CELF1: variants seen among roughly 807,000 people sequenced by gnomAD.
CELF1 encodes CUGBP Elav-like family member 1.
A neutral mutation model predicts 61.8 loss-of-function variants in CELF1; 10 were observed. That is an observed-to-expected ratio of 0.16 (90% CI 0.10 to 0.27). CELF1 has a LOEUF of 0.27. Among genes scored for constraint, CELF1 ranks in the 10% least tolerant of loss-of-function variants. CELF1 has a pLI of 1.00. For missense variants in CELF1, 380 were observed against 639.1 expected, an observed-to-expected ratio of 0.59 and a Z score of 4.37; for synonymous variants, 236 against 225.1, an observed-to-expected ratio of 1.05 and a Z score of -0.43.
At chr11:47,480,107 TGAGACG>T (rs2082165014) in intron 9 of CELF1, among the ~76,000 whole-genome samples, 1 of 151,032 alleles carries the variant, frequency 6.6e-6, no homozygotes, top group Non-Finnish European at 1.5e-5. Flanking sequence ...TTTTTTTTTT[TGAGACG>T]GAGTCTCGCT....
chr11:47,472,992 C>G (rs2078345543), intron 14 of CELF1, 96 bp downstream of exon 14: 2 of 1,414,090 alleles, frequency 1.4e-6, no homozygotes, highest in Non-Finnish European at 1.9e-6. Flanking sequence ...TAAAACAACA[C>G]CACAAACTCA....
At chr11:47,499,872 C>T (rs374750059) in intron 2 of CELF1, 1 of 197,996 alleles carries the variant, frequency 5.1e-6, no homozygotes, top group African/African-American at 2.3e-5. Context: ...CAGTGGCTAA[C>T]AGAGCAGAAG....
upstream of CELF1, among the ~76,000 whole-genome samples, chr11:47,555,054 T>A (rs2097201708): frequency 6.6e-6 from 1 of 152,066 alleles, no homozygotes; most frequent in South Asian, 2.1e-4. Flanking sequence ...AGGATAGAGG[T>A]TTTGTCTGTT....
chr11:47,561,216 A>G (rs2097224033), intron 2 of CELF1, among the ~76,000 whole-genome samples: 1 of 148,728 alleles, frequency 6.7e-6, no homozygotes, highest in Non-Finnish European at 1.5e-5. Context: ...AGGCCGAGAC[A>G]GGTGGATCAC....
intron 1 of CELF1, among the ~76,000 whole-genome samples, chr11:47,564,706 G>A (rs1222612311): frequency 2.0e-5 from 3 of 152,090 alleles, no homozygotes; most frequent in East Asian, 1.9e-4. Context: ...CAGGAGAATC[G>A]TTTGAACCCG....
intron 3 of CELF1, chr11:47,494,563 T>C: frequency 1.2e-6 from 1 of 866,832 alleles, no homozygotes. Context: ...CTCTTTCTCC[T>C]TTCTTTTCCC....
intron 8 of CELF1, 138 bp downstream of exon 8, chr11:47,483,315 A>C (rs998260061): frequency 4.9e-5 from 34 of 690,414 alleles, no homozygotes; most frequent in Non-Finnish European, 8.0e-5. Context: ...TAAAGAAATC[A>C]GTGGTTTTTA....
At chr11:47,533,092 A>AT (rs111833244) in intron 1 of CELF1, among the ~76,000 whole-genome samples, 2,507 of 143,568 alleles carry the variant, frequency 0.017, 51 homozygotes, top group African/African-American at 0.049. Flanking sequence ...CTATCACAGT[A>AT]TTTTTTTTTT....
chr11:47,550,622 C>A (rs964108709), intron 1 of CELF1, among the ~76,000 whole-genome samples: 1 of 151,748 alleles, frequency 6.6e-6, no homozygotes, highest in Non-Finnish European at 1.5e-5. Flanking sequence ...AGATAAAGAC[C>A]CAATATTTAA....
chr11:47,469,208 C>T lies in CELF1; in HGVS notation c.*3022G>A, dbSNP rs1280399649. The T allele has an allele frequency of 6.6e-6, 1 of 152,224 alleles. No homozygotes were observed. Among genetic ancestry groups the T allele is most frequent in the Non-Finnish European group, 1.5e-5 (1 of 68,062 alleles). 9.4% of individuals were successfully genotyped at this position (152,224 alleles called of 1,614,324 possible). ...AGGGGAGCAGAGCCTCAGCCTCTCTCCCCACTCCCTGGTCACAACCCAAGG... is the reference window on the plus strand; with the variant it reads ...AGGGGAGCAGAGCCTCAGCCTCTCTTCCCACTCCCTGGTCACAACCCAAGG... On this transcript the variant is annotated 3_prime_UTR_variant, in exon 15 of 15. Coordinates refer to ENST00000687097, the MANE Select transcript of CELF1 (RefSeq NM_001376376.1).
chr11:47,552,805 G>GGGGACCCC (rs1014543912), intron 1 of CELF1, among the ~76,000 whole-genome samples, 187 bp downstream of exon 1: 2 of 152,274 alleles, frequency 1.3e-5, no homozygotes, highest in African/African-American at 2.4e-5. Flanking sequence ...CCGGGGAGCC[G>GGGGACCCC]GGGACCCCGA....
chr11:47,526,794 G>C (rs1039240975), intron 1 of CELF1, among the ~76,000 whole-genome samples: 1 of 152,176 alleles, frequency 6.6e-6, no homozygotes, highest in African/African-American at 2.4e-5. Context: ...TCCAGGCCGG[G>C]CAGTGGTGGC....
rs2097184266 is a variant in CELF1, at chr11:47,553,047, C to T, written c.-209G>A. The T allele has an allele frequency of 5.0e-6, 2 of 397,700 alleles. No homozygotes were observed. The highest frequency in any genetic ancestry group is 4.4e-5 in the Admixed American group (1 of 22,596). 24.6% of individuals were successfully genotyped at this position (397,700 alleles called of 1,614,324 possible). On this transcript the variant is annotated 5_prime_UTR_variant, in exon 1 of 15. Coordinates refer to ENST00000687097, the MANE Select transcript of CELF1 (RefSeq NM_001376376.1). ...CAGTTGCTGCCTGCGCCTCCGCAGC[C>T]GCCGCCGCCGCCTCGCTGCTGAGGC... is the stretch of plus-strand genomic sequence containing the variant.
intron 4 of CELF1, 139 bp downstream of exon 4, chr11:47,488,698 G>A (rs1044676203): frequency 3.4e-6 from 2 of 586,144 alleles, no homozygotes; most frequent in African/African-American, 1.9e-5. Context: ...GGAGTATTCT[G>A]GCAATGACAG....
intron 1 of CELF1, among the ~76,000 whole-genome samples, chr11:47,545,417 C>G (rs990633345): frequency 6.6e-6 from 1 of 152,016 alleles, no homozygotes; most frequent in Non-Finnish European, 1.5e-5. Context: ...GGCGACAGAG[C>G]GGGACTCTGT....
At chr11:47,509,170 G>C (rs1222845802) in intron 1 of CELF1, among the ~76,000 whole-genome samples, 1 of 152,202 alleles carries the variant, frequency 6.6e-6, no homozygotes, top group Non-Finnish European at 1.5e-5. Context: ...GCTTTGGTGA[G>C]AGAGAAGAGC....
chr11:47,534,718 A>G (rs907583361), intron 1 of CELF1, among the ~76,000 whole-genome samples: 3 of 152,082 alleles, frequency 2.0e-5, no homozygotes, highest in Non-Finnish European at 4.4e-5. Context: ...ACAGAGCGAG[A>G]CTCCATCTCA....
intron 1 of CELF1, among the ~76,000 whole-genome samples, chr11:47,542,135 C>T (rs976617871): frequency 7.9e-5 from 12 of 152,092 alleles, no homozygotes; most frequent in Admixed American, 2.6e-4. Context: ...TTCGGGAGGC[C>T]GAGGCAGGTG....
At chr11:47,558,521 G>A (rs2097212939) in intron 2 of CELF1, among the ~76,000 whole-genome samples, 1 of 107,508 alleles carries the variant, frequency 9.3e-6, no homozygotes. Context: ...AATAATATAT[G>A]TATATGTATA....
Sources: allele counts gnomAD v4.1 joint callset (sites outside exome capture counted in the v4.1 genomes callset), GRCh38; gene constraint gnomAD v4.1.1; transcripts MANE v1.5; gene names NCBI Gene and HGNC (gene_info 2026-07-23, HGNC 2026-07-21).